HS3ST1: variants seen among roughly 807,000 people sequenced by gnomAD.
HS3ST1 encodes heparan sulfate-glucosamine 3-sulfotransferase 1, also known as heparan sulfate glucosamine 3-O-sulfotransferase 1.
Under a neutral mutation model 20.7 loss-of-function variants are expected in HS3ST1, and 8 were observed. That is an observed-to-expected ratio of 0.39 (90% CI 0.23 to 0.70). HS3ST1 has a LOEUF of 0.70. Among genes scored for constraint, HS3ST1 ranks in the 30% least tolerant of loss-of-function variants. The pLI is 0.46. For synonymous variants in HS3ST1, 205 were observed against 190.4 expected (o/e 1.08, Z -0.63); for missense variants, 436 against 423.4 (o/e 1.03, Z -0.26).
intron 1 of HS3ST1, among the ~76,000 whole-genome samples, chr4:11,419,060 C>T (rs1006055147): frequency 6.6e-6 from 1 of 151,982 alleles, no homozygotes; most frequent in African/African-American, 2.4e-5. Flanking sequence ...ACCACCCTGT[C>T]ACAAAACATC....
upstream of HS3ST1, among the ~76,000 whole-genome samples, chr4:11,431,878 G>A (rs991670865): frequency 2.6e-5 from 4 of 152,240 alleles, no homozygotes; most frequent in African/African-American, 7.2e-5. Context: ...TTAGTGACTC[G>A]TTCAAGGTGA....
intron 1 of HS3ST1, among the ~76,000 whole-genome samples, chr4:11,409,470 T>C (rs1026508822): frequency 6.6e-6 from 1 of 152,158 alleles, no homozygotes; most frequent in African/African-American, 2.4e-5. Context: ...GGTGTCCTTA[T>C]AAGAAGAGGA....
rs1305017682 is a variant in HS3ST1 at position 11,399,059 on chromosome 4, T to C, written c.*23A>G. On this transcript the variant is annotated 3_prime_UTR_variant, in exon 2 of 2. Transcript: ENST00000002596. This position sits in a 1 kb window ranked among gnomAD's most constrained non-coding sequence, Gnocchi z 5.1. Reference sequence around the variant, plus strand: ...ACACCAGAACTTACAGTAGGAAAGTTTCTGAGCTTAGCTTATTGCAAATCA... The same window carrying C: ...ACACCAGAACTTACAGTAGGAAAGTCTCTGAGCTTAGCTTATTGCAAATCA... 4 of 1,587,372 alleles carry C rather than the reference T, an allele frequency of 2.5e-6. No individual in the cohort carries two copies. The highest frequency in any genetic ancestry group is 3.4e-6 in the Non-Finnish European group (4 of 1,163,166).
chr4:11,413,074 T>C (rs1718680162), intron 1 of HS3ST1, among the ~76,000 whole-genome samples: 1 of 152,216 alleles, frequency 6.6e-6, no homozygotes, highest in African/African-American at 2.4e-5. Context: ...GCTGGCATCC[T>C]GGCCTCAGAC....
intron 1 of HS3ST1, among the ~76,000 whole-genome samples, chr4:11,409,849 G>A (rs996397144): frequency 2.6e-5 from 4 of 152,164 alleles, no homozygotes; most frequent in African/African-American, 9.7e-5. Context: ...GATGGGAGAC[G>A]GTGGCAATCA....
intron 1 of HS3ST1, among the ~76,000 whole-genome samples, chr4:11,409,441 G>A (rs1473328613): frequency 2.0e-5 from 3 of 151,892 alleles, no homozygotes; most frequent in Non-Finnish European, 2.9e-5. Flanking sequence ...TAAGGGTGGG[G>A]CTCCATTCTG....
chr4:11,408,965 A>G (rs750236744), intron 1 of HS3ST1, among the ~76,000 whole-genome samples: 2 of 152,238 alleles, frequency 1.3e-5, no homozygotes, highest in African/African-American at 2.4e-5. Flanking sequence ...CAAATCTTTT[A>G]TGTTAACCCA....
At chr4:11,407,613 T>C (rs1718504059) in intron 1 of HS3ST1, among the ~76,000 whole-genome samples, 2 of 152,092 alleles carry the variant, frequency 1.3e-5, no homozygotes, top group African/African-American at 2.4e-5. Context: ...CCACACAACA[T>C]TATTGTCCAG....
intron 1 of HS3ST1, among the ~76,000 whole-genome samples, chr4:11,417,075 G>T (rs1040412285): frequency 5.3e-5 from 8 of 152,118 alleles, no homozygotes; most frequent in African/African-American, 1.9e-4. Flanking sequence ...GGCTAATGAT[G>T]AGGCTTAATA....
intron 1 of HS3ST1, among the ~76,000 whole-genome samples, chr4:11,404,302 G>A (rs770366413): frequency 6.6e-6 from 1 of 152,068 alleles, no homozygotes; most frequent in African/African-American, 2.4e-5. Flanking sequence ...CACCTGTTTC[G>A]GTCTCCCAAA....
At chr4:11,418,615 T>C (rs574195452) in intron 1 of HS3ST1, among the ~76,000 whole-genome samples, 1 of 152,244 alleles carries the variant, frequency 6.6e-6, no homozygotes, top group Non-Finnish European at 1.5e-5. Context: ...ACAGAATGAC[T>C]GGTAACAATG....
chr4:11,431,316 G>A (rs1408445064), upstream of HS3ST1, among the ~76,000 whole-genome samples: 2 of 151,694 alleles, frequency 1.3e-5, no homozygotes, highest in East Asian at 1.9e-4. Flanking sequence ...TTTCAAAGCC[G>A]TGGGCATGAG....
At chr4:11,409,819 A>G (rs949324925) in intron 1 of HS3ST1, among the ~76,000 whole-genome samples, 1 of 152,142 alleles carries the variant, frequency 6.6e-6, no homozygotes, top group African/African-American at 2.4e-5. Flanking sequence ...AGTGACATCT[A>G]TGTATGAAGC....
At position 11,399,503 on chromosome 4, in the gene HS3ST1, T is replaced by C. The variant is rs2108879310; in HGVS notation, c.503A>G (p.His168Arg). The C allele has an allele frequency of 6.2e-7, 1 of 1,614,052 alleles. No individual in the cohort carries two copies. Among genetic ancestry groups the C allele is most frequent in the Non-Finnish European group, 8.5e-7 (1 of 1,180,032 alleles). The change falls in exon 2 of 2, where the codon CAC (histidine) becomes CGC (arginine). Residue 168 changes from histidine to arginine, a missense_variant. By Grantham distance (29) the His-to-Arg change is conservative (BLOSUM62 0). Transcript: ENST00000002596. This position sits in a 1 kb window ranked among gnomAD's most constrained non-coding sequence, Gnocchi z 5.1. ...CTCCTCGATGGACGGGTAGGGCTTG[T>C]GCTTCTGCATGTGGTTGTAGAACAC... ...TQVFYNHMQK[H>R]KPYPSIEEFL...
At chr4:11,432,948 TC>T (rs1719233353), upstream of HS3ST1, among the ~76,000 whole-genome samples, 1 of 152,186 alleles carries the variant, frequency 6.6e-6, no homozygotes, top group African/African-American at 2.4e-5. Context: ...ATTGAGTGAT[TC>T]TTTTCTGAAA....
intron 1 of HS3ST1, among the ~76,000 whole-genome samples, chr4:11,423,747 A>G (rs1718992794): frequency 6.6e-6 from 1 of 152,020 alleles, no homozygotes; most frequent in South Asian, 2.1e-4. Flanking sequence ...TCCCGAACAG[A>G]GGTTCACTCT....
intron 1 of HS3ST1, among the ~76,000 whole-genome samples, chr4:11,410,320 G>A (rs1374248570): frequency 1.3e-5 from 2 of 152,204 alleles, no homozygotes; most frequent in Admixed American, 6.5e-5. Context: ...GGAAAGAGAT[G>A]GGAGCTGGCA....
rs1219810519 is a variant in HS3ST1, at chr4:11,426,940, G to A, written c.-109+1759C>T. On this transcript the variant is annotated intron_variant, in intron 1 of 1. Transcript: ENST00000002596. ...AAGGCAGGGATTTGCAGCGGAGCGC[G>A]CGTCTCCTGGAATTTCAGTAGGTAA... Among the ~76,000 whole-genome samples, 3 of 152,206 alleles carry A rather than the reference G, an allele frequency of 2.0e-5. No individual in the cohort carries two copies. The East Asian group carries it at 5.8e-4, about 29-fold the overall frequency.
chr4:11,401,929 T>C (rs1277069463), intron 1 of HS3ST1, among the ~76,000 whole-genome samples: 1 of 152,214 alleles, frequency 6.6e-6, no homozygotes, highest in African/African-American at 2.4e-5. Flanking sequence ...TTTCACGCTA[T>C]CCCCTAAAGA....
Sources: allele counts gnomAD v4.1 joint callset (sites outside exome capture counted in the v4.1 genomes callset), GRCh38; gene constraint gnomAD v4.1.1; non-coding constraint Gnocchi (gnomAD v3.1); transcripts MANE v1.5; gene names NCBI Gene and HGNC (gene_info 2026-07-23, HGNC 2026-07-21).